Variants in CDH23 observed in about 807,000 individuals in gnomAD.
CDH23 encodes cadherin related 23, also known as cadherin-23.
In CDH23, 189 loss-of-function variants were observed where a neutral mutation model predicts 317.1. The ratio of observed to expected loss-of-function variants is 0.60; its 90% CI spans 0.53 to 0.67. CDH23 has a LOEUF of 0.67. Among genes scored for constraint, CDH23 ranks in the 30% least tolerant of loss-of-function variants. The pLI is 0.00. For missense variants in CDH23, 4,401 were observed against 4,592.4 expected, an observed-to-expected ratio of 0.96 and a Z score of 1.20; for synonymous variants, 1,839 against 1,876.8, an observed-to-expected ratio of 0.98 and a Z score of 0.52.
intron 6 of CDH23, among the ~76,000 whole-genome samples, chr10:71,547,861 ACC>A (rs1856370262): frequency 6.6e-6 from 1 of 152,066 alleles, no homozygotes; most frequent in Admixed American, 6.5e-5. Context: ...CTTGTTTGGG[ACC>A]CAGAGAGGCC....
intron 18 of CDH23, among the ~76,000 whole-genome samples, chr10:71,685,133 T>C (rs1864820929): frequency 6.6e-6 from 1 of 152,214 alleles, no homozygotes; most frequent in Non-Finnish European, 1.5e-5. Flanking sequence ...AGACCAGTGC[T>C]TCTCAAACTT....
intron 7 of CDH23, 38 bp from the exon 8 acceptor site, chr10:71,570,752 A>C: frequency 6.4e-7 from 1 of 1,571,800 alleles, no homozygotes. Flanking sequence ...CCCCACCATC[A>C]CTCAACCTAA....
At chr10:71,548,046 GA>G (rs1330291621) in intron 6 of CDH23, among the ~76,000 whole-genome samples, 4 of 152,236 alleles carry the variant, frequency 2.6e-5, no homozygotes, top group Non-Finnish European at 5.9e-5. Context: ...CGTGGTGACG[GA>G]ATGCATTTCT....
intron 38 of CDH23, among the ~76,000 whole-genome samples, chr10:71,771,312 A>G (rs10762477): frequency 0.13 from 20,177 of 152,168 alleles, 1,627 homozygotes; most frequent in East Asian, 0.27. Context: ...TGAACACCAC[A>G]TTCATCACTA....
At position 71,793,397 on chromosome 10, in the gene CDH23, A is replaced by G; in HGVS notation, c.6469A>G (p.Thr2157Ala). Residue 2157 changes from threonine (T) to alanine (A), a missense_variant, in exon 48 of 70, where the codon ACA becomes GCA. Thr to Ala is a moderately conservative substitution (Grantham distance 58). This residue lies in a region of CDH23 where 3,068 missense variants were observed against 3,203.3 expected (regional missense o/e 0.96). Transcript: ENST00000224721. ...TDRGTVPLSG[T>A]AIVTILIDDI... ...CCGGGGCACCGTTCCTCTCTCGGGC[A>G]CAGCCATTGTCACCATTCTGATCGA... 1 of 1,614,000 alleles carries G rather than the reference A, an allele frequency of 6.2e-7. No homozygotes were observed. Among genetic ancestry groups the G allele is most frequent in the Non-Finnish European group, 8.5e-7 (1 of 1,179,876 alleles).
intron 11 of CDH23, among the ~76,000 whole-genome samples, chr10:71,617,924 G>A (rs1295446721): frequency 1.3e-5 from 2 of 151,922 alleles, no homozygotes; most frequent in East Asian, 3.9e-4. Flanking sequence ...GCTGGGAGGT[G>A]GAGGTTGCAG....
chr10:71,694,175 C>G lies in CDH23; in HGVS notation c.2205C>G (p.Asp735Glu). ...AAATCACCACCACGTCTCTGCTTGA[C>G]CGAGAGACCAAGTCTGAATACATCC... Reference protein sequence around the residue: ...SGEITTTSLLDRETKSEYILI... With the variant: ...SGEITTTSLLERETKSEYILI... The change falls in exon 21 of 70, where the codon GAC becomes GAG. Residue 735 changes from aspartate (D) to glutamate (E), a missense_variant. Transcript: ENST00000224721. 6.2e-7 allele frequency: 1 copy of G among 1,613,794 alleles called. No homozygotes were observed. Among genetic ancestry groups the G allele is most frequent in the Admixed American group, 1.7e-5 (1 of 60,018 alleles).
chr10:71,464,932 C>A (rs375068027), intron 3 of CDH23, among the ~76,000 whole-genome samples: 5 of 152,256 alleles, frequency 3.3e-5, no homozygotes, highest in African/African-American at 9.6e-5. Flanking sequence ...TATGGAGGGC[C>A]AATTAGGTGC....
chr10:71,625,337 G>GA (rs1212159632), intron 11 of CDH23, among the ~76,000 whole-genome samples: 146 of 61,460 alleles, frequency 2.4e-3, no homozygotes, highest in Non-Finnish European at 2.6e-3. Context: ...GAGGGGCATA[G>GA]AAAAAAAAAA....
chr10:71,506,173 T>C (rs1229225885), intron 3 of CDH23, among the ~76,000 whole-genome samples: 1 of 152,122 alleles, frequency 6.6e-6, no homozygotes, highest in Non-Finnish European at 1.5e-5. Flanking sequence ...ATATAAAATA[T>C]CTAGGATAGG....
intron 1 of CDH23, among the ~76,000 whole-genome samples, chr10:71,421,824 A>G (rs1233883623): frequency 6.7e-6 from 1 of 149,848 alleles, no homozygotes; most frequent in Non-Finnish European, 1.5e-5. Context: ...GATTGTGAGG[A>G]AGCGTGTGTG....
intron 27 of CDH23, 34 bp from the exon 28 acceptor site, chr10:71,712,631 G>A: frequency 6.2e-7 from 1 of 1,609,304 alleles, no homozygotes; most frequent in Non-Finnish European, 8.5e-7. Context: ...CTCTCAGGCA[G>A]CTGCTAACAC....
At chr10:71,502,840 C>T (rs75091293) in intron 3 of CDH23, among the ~76,000 whole-genome samples, 2,610 of 152,270 alleles carry the variant, frequency 0.017, 82 homozygotes, top group East Asian at 0.12. Flanking sequence ...TTCACCCCTC[C>T]GTGTTTTGGT....
chr10:71,656,632 G>A (rs191432242), intron 14 of CDH23, among the ~76,000 whole-genome samples: 57 of 152,306 alleles, frequency 3.7e-4, no homozygotes, highest in African/African-American at 4.6e-4. Flanking sequence ...CTACTGCATC[G>A]TTATATCAAG....
chr10:71,577,868 A>T lies in CDH23; in HGVS notation c.754-46A>T, dbSNP rs139791241. Reference sequence around the variant, plus strand: ...TGCCATGATAGCTACAAAGAAAGACAGCAGCCAGGGGACCCAAACTCAAGT... The same window carrying T: ...TGCCATGATAGCTACAAAGAAAGACTGCAGCCAGGGGACCCAAACTCAAGT... On this transcript the variant is annotated intron_variant, in intron 8 of 69. Coordinates refer to ENST00000224721, the MANE Select transcript of CDH23 (RefSeq NM_022124.6). 332 of 1,495,184 alleles carry T rather than the reference A, an allele frequency of 2.2e-4. 2 individuals carry two copies. In the East Asian group the frequency reaches 6.8e-3, roughly 30 times the overall value. 92.6% of individuals were successfully genotyped at this position (1,495,184 alleles called of 1,614,324 possible). A position where few individuals can be genotyped will look rare whatever the true frequency, so the allele number is the denominator to read the frequency against.
intron 9 of CDH23, among the ~76,000 whole-genome samples, chr10:71,590,757 T>C (rs1287272228): frequency 6.6e-6 from 1 of 151,678 alleles, no homozygotes; most frequent in Non-Finnish European, 1.5e-5. Flanking sequence ...TCCTAGCTAC[T>C]CCAGAGGCTG....
chr10:71,543,750 G>A (rs1856116433), intron 6 of CDH23, among the ~76,000 whole-genome samples: 1 of 152,216 alleles, frequency 6.6e-6, no homozygotes, highest in Non-Finnish European at 1.5e-5. Context: ...GGGTGGAGCT[G>A]AACCTCCCAG....
intron 11 of CDH23, chr10:71,635,249 C>A (rs1164476862): frequency 6.5e-6 from 1 of 152,704 alleles, no homozygotes; most frequent in East Asian, 1.9e-4. Flanking sequence ...AGAACGGAGG[C>A]TGGCTTCAGG....
At chr10:71,524,301 A>G (rs1189156048) in intron 6 of CDH23, among the ~76,000 whole-genome samples, 3 of 152,258 alleles carry the variant, frequency 2.0e-5, no homozygotes, top group Non-Finnish European at 2.9e-5. Flanking sequence ...CCCTGCCCTC[A>G]GGGAGCTTCC....
Sources: allele counts gnomAD v4.1 joint callset (sites outside exome capture counted in the v4.1 genomes callset), GRCh38; gene constraint gnomAD v4.1.1; regional missense constraint gnomAD v4.1.1; transcripts MANE v1.5; gene names NCBI Gene and HGNC (gene_info 2026-07-23, HGNC 2026-07-21).